Variants in GLYATL1 observed in about 807,000 individuals in gnomAD.
GLYATL1 encodes the protein glycine N-acyltransferase-like protein 1.
GLYATL1 carries 15 observed loss-of-function variants against 20.0 expected under a neutral mutation model. The observed-to-expected ratio is 0.75, with a 90% CI of 0.50 to 1.15. The LOEUF (loss-of-function observed/expected upper bound fraction) is 1.15, where lower values mean the gene tolerates loss of function less well. Ranked by LOEUF, GLYATL1 falls within the 50% of genes most tolerant of loss-of-function variation. GLYATL1 has a pLI of 0.00. For missense variants in GLYATL1, 380 were observed against 368.5 expected (o/e 1.03, Z -0.26); for synonymous variants, 151 against 131.5 (o/e 1.15, Z -1.01).
intron 4 of GLYATL1, among the ~76,000 whole-genome samples, chr11:58,952,052 A>ATAATAG (rs1857033875): frequency 1.3e-5 from 2 of 151,930 alleles, no homozygotes; most frequent in South Asian, 4.2e-4. Context: ...ATTCCAACTA[A>ATAATAG]TAATAGTTCT....
At chr11:58,910,952 A>G (rs1329209264), downstream of GLYATL1, among the ~76,000 whole-genome samples, 1 of 152,062 alleles carries the variant, frequency 6.6e-6, no homozygotes, top group East Asian at 1.9e-4. Flanking sequence ...TGGTTCCATC[A>G]CTCTAAATAA....
Position 58,947,144 on chromosome 11 carries a change from G to A in GLYATL1, c.57G>A (p.Arg19=). 1 of 1,613,866 alleles carries A rather than the reference G, an allele frequency of 6.2e-7. No individual in the cohort carries two copies. The change falls in exon 3 of 7, where the codon AGG becomes AGA. Residue 19 remains arginine, a synonymous_variant. Transcript: ENST00000532726. ...TGGCCCTATACAAATCCTTGGCCAG[G>A]AGCATCCCTGAGTCCCTGAAGGTCA... ...KLLALYKSLA[R]SIPESLKVYG...
At chr11:58,931,709 C>T (rs898354182) in intron 1 of GLYATL1, among the ~76,000 whole-genome samples, 2 of 152,074 alleles carry the variant, frequency 1.3e-5, no homozygotes, top group African/African-American at 4.8e-5. Context: ...TGAACAACTC[C>T]TGTTCTTTAT....
At chr11:58,941,715 G>A (rs929233314) in intron 1 of GLYATL1, among the ~76,000 whole-genome samples, 12 of 152,204 alleles carry the variant, frequency 7.9e-5, no homozygotes, top group African/African-American at 2.4e-4. Flanking sequence ...ACAGCCAAGT[G>A]CCTGAAGCAG....
downstream of GLYATL1, among the ~76,000 whole-genome samples, chr11:58,910,173 G>T (rs577272202): frequency 6.6e-6 from 1 of 152,106 alleles, no homozygotes; most frequent in African/African-American, 2.4e-5. Context: ...CCTAAAAAGT[G>T]GGAGAGGGGT....
intron 1 of GLYATL1, among the ~76,000 whole-genome samples, chr11:58,919,855 G>A (rs2052062911): frequency 6.6e-6 from 1 of 152,160 alleles, no homozygotes; most frequent in Non-Finnish European, 1.5e-5. Context: ...TCCTAGCAAT[G>A]TTTCTTGTGC....
chr11:58,938,971 G>A (rs570792315), upstream of GLYATL1, among the ~76,000 whole-genome samples: 2 of 152,286 alleles, frequency 1.3e-5, no homozygotes, highest in South Asian at 2.1e-4. Flanking sequence ...CAGAATCATA[G>A]GCAGACTTGA....
chr11:58,943,386 CTT>C, intron 1 of GLYATL1, 155 bp from the exon 2 acceptor site: 1 of 1,538,782 alleles, frequency 6.5e-7, no homozygotes, highest in Admixed American at 2.1e-5. Context: ...CTGTACATCA[CTT>C]TACCTTTTTT....
chr11:58,925,094 C>A (rs1855397180), upstream of GLYATL1, among the ~76,000 whole-genome samples: 1 of 152,036 alleles, frequency 6.6e-6, no homozygotes, highest in Non-Finnish European at 1.5e-5. Context: ...TTTTTTCTTT[C>A]CATCCTTGGA....
intron 4 of GLYATL1, among the ~76,000 whole-genome samples, chr11:58,952,881 A>C (rs1285152659): frequency 6.6e-6 from 1 of 152,248 alleles, no homozygotes; most frequent in Non-Finnish European, 1.5e-5. Context: ...AATTTCTTAC[A>C]GAAATTAAAA....
chr11:58,945,377 G>A (rs1200414809), intron 2 of GLYATL1, among the ~76,000 whole-genome samples: 1 of 152,102 alleles, frequency 6.6e-6, no homozygotes, highest in African/African-American at 2.4e-5. Flanking sequence ...TGAGGCCAGG[G>A]TGGGGTCACA....
At chr11:58,913,641 GA>G (rs2135099707) in intron 1 of GLYATL1, among the ~76,000 whole-genome samples, 1 of 152,290 alleles carries the variant, frequency 6.6e-6, no homozygotes, top group Admixed American at 6.5e-5. Context: ...AGGGAGAAGG[GA>G]AAAATAAATT....
At chr11:58,954,254 A>G (rs1857216366) in intron 4 of GLYATL1, among the ~76,000 whole-genome samples, 2 of 152,220 alleles carry the variant, frequency 1.3e-5, no homozygotes, top group African/African-American at 4.8e-5. Flanking sequence ...AAGTTTAAGG[A>G]CTTAACTCTT....
At chr11:58,938,711 G>T (rs1252540552), upstream of GLYATL1, among the ~76,000 whole-genome samples, 2 of 152,180 alleles carry the variant, frequency 1.3e-5, no homozygotes, top group Non-Finnish European at 2.9e-5. Context: ...TAACCACTCT[G>T]TCAGATAGCA....
chr11:58,929,902 C>T (rs1023818784), intron 1 of GLYATL1, among the ~76,000 whole-genome samples: 2 of 152,204 alleles, frequency 1.3e-5, no homozygotes, highest in African/African-American at 4.8e-5. Flanking sequence ...TCTCTTCAGG[C>T]AGTAAGCTGG....
At chr11:58,921,517 G>A (rs931481511) in intron 1 of GLYATL1, among the ~76,000 whole-genome samples, 6 of 152,152 alleles carry the variant, frequency 3.9e-5, no homozygotes, top group African/African-American at 9.7e-5. Context: ...TTTTCATACC[G>A]TGGCCTTAAC....
chr11:58,942,197 T>C (rs191801402), intron 1 of GLYATL1, among the ~76,000 whole-genome samples: 6 of 152,338 alleles, frequency 3.9e-5, no homozygotes, highest in Non-Finnish European at 7.3e-5. Flanking sequence ...ACCCTGAATT[T>C]AGGTCACCTG....
At chr11:58,933,125 G>A (rs1227079982) in intron 1 of GLYATL1, among the ~76,000 whole-genome samples, 1 of 152,158 alleles carries the variant, frequency 6.6e-6, no homozygotes, top group African/African-American at 2.4e-5. Flanking sequence ...CACAGGAAGA[G>A]GGGCACAATT....
In GLYATL1 at chr11:58,921,686, T is replaced by C. The variant is rs1329064305; in HGVS notation, n.264+16025T>C. ...TCCATGACCCCTTGCAAAGCCAGCT[T>C]CTCTTCCTGTGAGGTCTGCCGCTGG... On this transcript the variant is annotated intron_variant and non_coding_transcript_variant, in intron 1 of 2. Coordinates refer to the GLYATL1 transcript ENST00000534674. 2.6e-5 allele frequency among the ~76,000 whole-genome samples: 4 copies of C among 152,160 alleles called. No individual in the cohort carries two copies. The East Asian group carries it at 7.7e-4, about 29-fold the overall frequency.
Sources: allele counts gnomAD v4.1 joint callset (sites outside exome capture counted in the v4.1 genomes callset), GRCh38; gene constraint gnomAD v4.1.1; transcripts MANE v1.5; gene names NCBI Gene and HGNC (gene_info 2026-07-23, HGNC 2026-07-21).